Variants in ATG7 observed in about 807,000 individuals in gnomAD.
ATG7 encodes the protein ubiquitin-like modifier-activating enzyme ATG7.
Under a neutral mutation model 82.4 loss-of-function variants are expected in ATG7, and 70 were observed. The ratio of observed to expected loss-of-function variants is 0.85; its 90% CI spans 0.70 to 1.04. The LOEUF is 1.04. ATG7 is among the 50% of genes least tolerant of loss of function. The pLI, the probability that ATG7 is intolerant of heterozygous loss-of-function variation, is 0.00. For synonymous variants in ATG7, 287 were observed against 313.0 expected (o/e 0.92, Z 0.88); for missense variants, 792 against 864.3 (o/e 0.92, Z 1.05).
chr3:11,342,347 A>G, intron 13 of ATG7, 68 bp downstream of exon 13: 1 of 1,513,812 alleles, frequency 6.6e-7, no homozygotes, highest in Non-Finnish European at 8.8e-7. Flanking sequence ...TTTTACTCTC[A>G]TGATTGCCTT....
chr3:11,499,316 C>T (rs1445892526), intron 20 of ATG7, among the ~76,000 whole-genome samples: 1 of 152,034 alleles, frequency 6.6e-6, no homozygotes, highest in Non-Finnish European at 1.5e-5. Context: ...AAACGACTGC[C>T]AAAAACCCAG....
At chr3:11,331,893 A>G (rs1320613639) in intron 10 of ATG7, among the ~76,000 whole-genome samples, 1 of 152,242 alleles carries the variant, frequency 6.6e-6, no homozygotes, top group Non-Finnish European at 1.5e-5. Flanking sequence ...ATGCTACTAC[A>G]TATCCACCAA....
At chr3:11,299,246 A>T in intron 4 of ATG7, 116 bp from the exon 5 acceptor site, 1 of 980,452 alleles carries the variant, frequency 1.0e-6, no homozygotes, top group Non-Finnish European at 1.6e-6. Context: ...GATAATCAGA[A>T]ATTGGATGGG....
At chr3:11,482,500 C>A (rs1234859902) in intron 20 of ATG7, among the ~76,000 whole-genome samples, 1 of 152,176 alleles carries the variant, frequency 6.6e-6, no homozygotes, top group Non-Finnish European at 1.5e-5. Flanking sequence ...AAAGTTGTAT[C>A]TGGGGGCTGT....
At chr3:11,470,006 AAAAG>A (rs1255001300) in intron 20 of ATG7, among the ~76,000 whole-genome samples, 2 of 141,234 alleles carry the variant, frequency 1.4e-5, no homozygotes, top group Non-Finnish European at 3.1e-5. Flanking sequence ...AAAAAAAAAA[AAAAG>A]AGAGAGAGAG....
At chr3:11,554,000 G>A (rs2072109103) in intron 20 of ATG7, among the ~76,000 whole-genome samples, 1 of 152,178 alleles carries the variant, frequency 6.6e-6, no homozygotes. Flanking sequence ...AGGGAGCCCT[G>A]GGTGCCAGGG....
chr3:11,573,356 A>AAGG, the ATG7 span, among the ~76,000 whole-genome samples: 1 of 99,632 alleles, frequency 1.0e-5, no homozygotes, highest in Non-Finnish European at 2.5e-5. Context: ...AGAAAGAAAG[A>AAGG]AAGAAAGAAA....
chr3:11,500,269 G>C (rs915346763), intron 20 of ATG7, among the ~76,000 whole-genome samples: 1 of 152,108 alleles, frequency 6.6e-6, no homozygotes, highest in African/African-American at 2.4e-5. Flanking sequence ...TGTAGAATTT[G>C]GTTGGAGTAA....
intron 3 of ATG7, among the ~76,000 whole-genome samples, chr3:11,292,539 C>T (rs561196412): frequency 6.6e-6 from 1 of 151,956 alleles, no homozygotes; most frequent in Non-Finnish European, 1.5e-5. Context: ...GGATTACAGG[C>T]GTGAGCCACC....
In ATG7 at chr3:11,395,879, G is replaced by A. The variant is rs12053822; in HGVS notation, c.1956+15827G>A. On this transcript the variant is annotated intron_variant, in intron 19 of 20. Transcript: ENST00000693202. ...GGCGTGAACCGAGGAGGCGGAGCTC[G>A]CAGTGAGCGGAGGTCACACCACTAT... Among the ~76,000 whole-genome samples the A allele has an allele frequency of 7.9e-4, 112 of 142,216 alleles. No individual in the cohort carries two copies. In the South Asian group the frequency reaches 9.1e-3, roughly 12 times the overall value. 93.3% of individuals were successfully genotyped at this position (142,216 alleles called of 152,430 possible).
At chr3:11,409,775 C>CT (rs36100546) in intron 19 of ATG7, among the ~76,000 whole-genome samples, 79,109 of 144,326 alleles carry the variant, frequency 0.55, 21,650 homozygotes, top group East Asian at 0.67. Context: ...TGTCTAGATT[C>CT]TTTTTTTTTT....
chr3:11,515,940 AGT>A (rs1303183548), intron 20 of ATG7, among the ~76,000 whole-genome samples: 1 of 151,376 alleles, frequency 6.6e-6, no homozygotes, highest in African/African-American at 2.4e-5. Flanking sequence ...ATGGTTGGGT[AGT>A]GTGTGCTGAA....
At chr3:11,442,506 A>G (rs1184832333) in intron 20 of ATG7, among the ~76,000 whole-genome samples, 1 of 152,142 alleles carries the variant, frequency 6.6e-6, no homozygotes, top group Non-Finnish European at 1.5e-5. Flanking sequence ...TGAACTTTAA[A>G]CAATCATTAG....
chr3:11,353,637 G>T (rs77017001), intron 14 of ATG7, among the ~76,000 whole-genome samples: 4 of 152,046 alleles, frequency 2.6e-5, no homozygotes, highest in Non-Finnish European at 5.9e-5. Flanking sequence ...ACATTAATGA[G>T]TGAGTTCTCG....
Position 11,369,558 on chromosome 3 carries a change from T to C in ATG7, c.1875+4824T>C, listed in dbSNP as rs541704685. Among the ~76,000 whole-genome samples, 168 of 151,286 alleles carry C rather than the reference T, an allele frequency of 1.1e-3. 10 individuals carry two copies. The highest frequency in any genetic ancestry group is 3.7e-3 in the African/African-American group (152 of 41,088). ...GTTTGGGGTAATCTAAGGTGATGGATGTATCCCAAGCCATTTGGATGTAGT... is the reference window on the plus strand; with the variant it reads ...GTTTGGGGTAATCTAAGGTGATGGACGTATCCCAAGCCATTTGGATGTAGT... On this transcript the variant is annotated intron_variant, in intron 18 of 20. Coordinates refer to ENST00000693202, the MANE Select transcript of ATG7 (RefSeq NM_001349232.2).
rs557755646 is a variant in ATG7, at chr3:11,422,740, C to CTTTTTTTTTTTTTTTTTT, written c.1957-4052_1957-4035dup. ...CCTCACTATGCTTAATCATTTCTAG[C>CTTTTTTTTTTTTTTTTTT]TTTTTTTTTTTTTTTTTTTTTTTTT... On this transcript the variant is annotated intron_variant, in intron 19 of 20. Coordinates refer to ENST00000693202, the MANE Select transcript of ATG7 (RefSeq NM_001349232.2). 1.8e-4 allele frequency among the ~76,000 whole-genome samples: 9 copies of CTTTTTTTTTTTTTTTTTT among 49,556 alleles called. 1 individual carries two copies. Among genetic ancestry groups the CTTTTTTTTTTTTTTTTTT allele is most frequent in the African/African-American group, 3.0e-4 (3 of 9,874 alleles). 32.5% of individuals were successfully genotyped at this position (49,556 alleles called of 152,430 possible).
chr3:11,526,247 C>T (rs2092576038), intron 20 of ATG7, among the ~76,000 whole-genome samples: 1 of 151,936 alleles, frequency 6.6e-6, no homozygotes, highest in East Asian at 1.9e-4. Flanking sequence ...AAAAATTAGC[C>T]GGGCCTAGTG....
Position 11,497,634 on chromosome 3 carries a change from C to T in ATG7, c.2080-57177C>T, listed in dbSNP as rs530959753. ...GATGTTATTCTATCTTAATGCAACTCGTACAGTGCTTGTCTAGTCCCTCGA... is the reference window on the plus strand; with the variant it reads ...GATGTTATTCTATCTTAATGCAACTTGTACAGTGCTTGTCTAGTCCCTCGA... On this transcript the variant is annotated intron_variant, in intron 20 of 20. Coordinates refer to ENST00000693202, the MANE Select transcript of ATG7 (RefSeq NM_001349232.2). 6.6e-5 allele frequency among the ~76,000 whole-genome samples: 10 copies of T among 150,958 alleles called. No homozygotes were observed. In the East Asian group the frequency reaches 1.2e-3, roughly 18 times the overall value.
chr3:11,571,513 G>T, the ATG7 span, among the ~76,000 whole-genome samples: 1 of 151,876 alleles, frequency 6.6e-6, no homozygotes, highest in South Asian at 2.1e-4. Flanking sequence ...GCAAAACCCC[G>T]TCTCTACAAA....
Sources: gnomAD v4.1 joint callset for allele counts (sites outside exome capture counted in the v4.1 genomes callset) on GRCh38, gnomAD v4.1.1 for gene constraint, MANE v1.5 for transcripts, NCBI Gene and HGNC (gene_info 2026-07-23, HGNC 2026-07-21) for gene names.